MYLK: variants seen among roughly 807,000 people sequenced by gnomAD.
The protein encoded by MYLK is myosin light chain kinase.
In MYLK, 106 loss-of-function variants were observed where a neutral mutation model predicts 203.4. The observed-to-expected ratio is 0.52, with a 90% CI of 0.45 to 0.61. MYLK has a LOEUF of 0.61. Ranked by LOEUF, MYLK falls within the 20% of genes least tolerant of loss-of-function variation. The pLI, the probability that MYLK is intolerant of heterozygous loss-of-function variation, is 0.00. For missense variants in MYLK, 2,072 were observed against 2,442.3 expected (o/e 0.85, Z 3.20); for synonymous variants, 867 against 959.5 (o/e 0.90, Z 1.78).
intron 4 of MYLK, among the ~76,000 whole-genome samples, chr3:123,760,834 T>C (rs2063511091): frequency 6.6e-6 from 1 of 152,300 alleles, no homozygotes; most frequent in East Asian, 1.9e-4. Context: ...CGAAACCCAA[T>C]TTGAAAAGTG....
chr3:123,734,291 T>C (rs1432816074), intron 9 of MYLK, 69 bp from the exon 10 acceptor site: 24 of 1,405,268 alleles, frequency 1.7e-5, no homozygotes, highest in Non-Finnish European at 2.3e-5. Context: ...ATCTGGTTAC[T>C]CACAAATATT....
At chr3:123,811,987 C>A (rs563397605) in intron 3 of MYLK, among the ~76,000 whole-genome samples, 3 of 152,312 alleles carry the variant, frequency 2.0e-5, no homozygotes, top group Admixed American at 6.5e-5. Context: ...TCACCTGGAG[C>A]TTTTATCATT....
At chr3:123,674,451 TC>T (rs2060011030) in intron 20 of MYLK, among the ~76,000 whole-genome samples, 1 of 152,226 alleles carries the variant, frequency 6.6e-6, no homozygotes, top group Non-Finnish European at 1.5e-5. Context: ...AGGATCAAAT[TC>T]AACTCATCTT....
In MYLK at chr3:123,658,781, T is replaced by G. The variant is rs79215259; in HGVS notation, c.3986-1353A>C. On this transcript the variant is annotated intron_variant, in intron 23 of 33. Transcript: ENST00000360304. Reference sequence around the variant, plus strand: ...GGCAATGGCTGCAAATGACCCTGTGTATATGGAGAAGAAAAATCTGCATGT... The same window carrying G: ...GGCAATGGCTGCAAATGACCCTGTGGATATGGAGAAGAAAAATCTGCATGT... 3.6e-3 allele frequency among the ~76,000 whole-genome samples: 554 copies of G among 152,340 alleles called. 3 individuals are homozygous for G. Among genetic ancestry groups the G allele is most frequent in the African/African-American group, 0.013 (529 of 41,566 alleles).
chr3:123,806,166 ATCT>A (rs1369548414), intron 3 of MYLK, among the ~76,000 whole-genome samples: 5 of 152,210 alleles, frequency 3.3e-5, no homozygotes, highest in African/African-American at 4.8e-5. Context: ...CATTGCTCTC[ATCT>A]TCTCAGATTC....
chr3:123,625,478 A>G (rs1161528581), intron 31 of MYLK, among the ~76,000 whole-genome samples: 4 of 150,448 alleles, frequency 2.7e-5, no homozygotes, highest in Non-Finnish European at 5.9e-5. Flanking sequence ...GAGGAAAAAA[A>G]AAAAAAAGAA....
intron 3 of MYLK, among the ~76,000 whole-genome samples, chr3:123,808,185 C>T (rs1290040465): frequency 1.3e-5 from 2 of 152,222 alleles, no homozygotes; most frequent in Non-Finnish European, 2.9e-5. Context: ...GCTAGTTCCA[C>T]TTCCACACAG....
Position 123,640,981 on chromosome 3 carries a change from A to G in MYLK, c.4620-477T>C, listed in dbSNP as rs2058813889. 6.6e-6 allele frequency among the ~76,000 whole-genome samples: 1 copy of G among 152,224 alleles called. No homozygotes were observed. On this transcript the variant is annotated intron_variant, in intron 27 of 33. Coordinates refer to ENST00000360304, the MANE Select transcript of MYLK (RefSeq NM_053025.4). The surrounding 1 kb of genome is among the most constrained non-coding windows in gnomAD (Gnocchi z 4.3). ...AACGGAAAAATATCTTCAATCATCA[A>G]TAATGAGCCTCAGCAAATTTTCTAA...
intron 5 of MYLK, among the ~76,000 whole-genome samples, chr3:123,749,518 G>A (rs1277231735): frequency 2.6e-5 from 4 of 152,136 alleles, no homozygotes; most frequent in Non-Finnish European, 5.9e-5. Flanking sequence ...TAACTGCATG[G>A]CCCTCATTAA....
At chr3:123,726,192 C>A in intron 11 of MYLK, 114 bp from the exon 12 acceptor site, 1 of 1,389,478 alleles carries the variant, frequency 7.2e-7, no homozygotes, top group Non-Finnish European at 1.0e-6. Flanking sequence ...TGGGTACCCT[C>A]GGCAGCCTGC....
chr3:123,809,521 C>T (rs575118405), intron 3 of MYLK, among the ~76,000 whole-genome samples: 3 of 152,164 alleles, frequency 2.0e-5, no homozygotes, highest in South Asian at 4.2e-4. Context: ...AGTGAAACTT[C>T]GTCTAAAAAA....
chr3:123,814,142 A>C (rs939395580), intron 3 of MYLK: 1 of 369,162 alleles, frequency 2.7e-6, no homozygotes, highest in African/African-American at 2.1e-5. Context: ...GCTGCCACAG[A>C]AACACTGACT....
At position 123,647,295 on chromosome 3, in the gene MYLK, G is replaced by A. The variant is rs1432572870; in HGVS notation, c.4548C>T (p.Leu1516=). 4 of 1,614,108 alleles carry A rather than the reference G, an allele frequency of 2.5e-6. No individual in the cohort carries two copies. The highest frequency in any genetic ancestry group is 1.3e-5 in the African/African-American group (1 of 74,934). Residue 1516 remains leucine (L), a synonymous_variant, in exon 27 of 34, where the codon CTC becomes CTT. Transcript: ENST00000360304. ...IRQEISIMNC[L]HHPKLVQCVD... is the part of the protein sequence containing the mutation. ...CACACTGGACCAGCTTAGGGTGGTGGAGGCAGTTCATGATGCTAATCTCCT... is the reference window on the plus strand; with the variant it reads ...CACACTGGACCAGCTTAGGGTGGTGAAGGCAGTTCATGATGCTAATCTCCT...
chr3:123,816,771 G>A (rs576080253), intron 3 of MYLK, among the ~76,000 whole-genome samples: 1 of 152,218 alleles, frequency 6.6e-6, no homozygotes, highest in African/African-American at 2.4e-5. Context: ...GGCTGAGTTG[G>A]GGGGAGCAGA....
intron 24 of MYLK, among the ~76,000 whole-genome samples, chr3:123,656,841 T>C (rs1162862634): frequency 1.3e-5 from 2 of 152,194 alleles, no homozygotes; most frequent in African/African-American, 2.4e-5. Flanking sequence ...AAGAGGAACA[T>C]GAGGCCGCTT....
At chr3:123,679,945 T>C (rs1249192160) in intron 20 of MYLK, among the ~76,000 whole-genome samples, 1 of 152,052 alleles carries the variant, frequency 6.6e-6, no homozygotes, top group Non-Finnish European at 1.5e-5. Context: ...GCACCAGGTT[T>C]CTCCCTGGAA....
chr3:123,823,252 C>T (rs2065997686), intron 3 of MYLK, among the ~76,000 whole-genome samples: 2 of 152,160 alleles, frequency 1.3e-5, no homozygotes, highest in African/African-American at 2.4e-5. Flanking sequence ...TGGTTTTATA[C>T]ACCATCCAGA....
At chr3:123,716,204 A>G (rs2061887280) in intron 13 of MYLK, 1 of 152,172 alleles carries the variant, frequency 6.6e-6, no homozygotes, top group Admixed American at 6.5e-5. Context: ...ACTCTGGAGG[A>G]TTCATCAAAG....
At chr3:123,620,389 G>C (rs1293602859) in intron 31 of MYLK, 53 bp from the exon 32 acceptor site, 3 of 1,612,318 alleles carry the variant, frequency 1.9e-6, no homozygotes, top group South Asian at 2.2e-5. Flanking sequence ...GTTCCAGCTG[G>C]GTAGTGCGAG....
Sources: allele counts gnomAD v4.1 joint callset (sites outside exome capture counted in the v4.1 genomes callset), GRCh38; gene constraint gnomAD v4.1.1; non-coding constraint Gnocchi (gnomAD v3.1); transcripts MANE v1.5; gene names NCBI Gene and HGNC (gene_info 2026-07-23, HGNC 2026-07-21).